The following TENM3 variants were observed in gnomAD, a reference collection of about 807,000 sequenced individuals.
TENM3 encodes teneurin transmembrane protein 3, also known as teneurin-3.
A neutral mutation model predicts 255.1 loss-of-function variants in TENM3; 63 were observed. The observed-to-expected ratio is 0.25, with a 90% CI of 0.20 to 0.30. The LOEUF (loss-of-function observed/expected upper bound fraction) is 0.30, where lower values mean the gene tolerates loss of function less well. Ranked by LOEUF, TENM3 falls within the 10% of genes least tolerant of loss-of-function variation. The probability of loss-of-function intolerance (pLI) is 1.00; values close to 1 mark genes in which losing one functional copy is unlikely to be tolerated. For synonymous variants in TENM3, 1,306 were observed against 1,322.3 expected, an observed-to-expected ratio of 0.99 and a Z score of 0.27; for missense variants, 2,929 against 3,461.1, an observed-to-expected ratio of 0.85 and a Z score of 3.86.
chr4:182,100,653 A>G, the TENM3 span, among the ~76,000 whole-genome samples: 47 of 55,260 alleles, frequency 8.5e-4, 3 homozygotes, highest in African/African-American at 3.5e-3. Flanking sequence ...ATATACACAT[A>G]TATACACATA....
the TENM3 span, among the ~76,000 whole-genome samples, chr4:181,549,863 A>G: frequency 0.027 from 4,171 of 152,302 alleles, 109 homozygotes; most frequent in African/African-American, 0.066. Context: ...CTCTATAAAT[A>G]TCTTTTCAGC....
chr4:182,688,435 C>T (rs1036735343), intron 12 of TENM3, 84 bp downstream of exon 12: 10 of 1,121,046 alleles, frequency 8.9e-6, no homozygotes, highest in Non-Finnish European at 1.2e-5. Context: ...TGGAAAAAGC[C>T]TATTTCTTTA....
At chr4:182,063,911 G>A in the TENM3 span, among the ~76,000 whole-genome samples, 1 of 152,174 alleles carries the variant, frequency 6.6e-6, no homozygotes, top group African/African-American at 2.4e-5. Context: ...AGAAGAAAGT[G>A]AAGGAAGGCA....
intron 3 of TENM3, among the ~76,000 whole-genome samples, chr4:182,492,512 G>A (rs2151594044): frequency 6.6e-6 from 1 of 152,250 alleles, no homozygotes; most frequent in African/African-American, 2.4e-5. Flanking sequence ...TGTCAGTCAG[G>A]AATCTTTAGC....
chr4:182,457,186 C>CAAA (rs34395020), intron 3 of TENM3, among the ~76,000 whole-genome samples: 1 of 97,018 alleles, frequency 1.0e-5, no homozygotes, highest in Non-Finnish European at 2.0e-5. Context: ...CTCTGTCTCT[C>CAAA]AAAAAAAAAA....
intron 1 of TENM3, among the ~76,000 whole-genome samples, chr4:182,305,406 A>G (rs1253375092): frequency 1.3e-5 from 2 of 152,174 alleles, no homozygotes; most frequent in Non-Finnish European, 2.9e-5. Flanking sequence ...CATGCCACCA[A>G]AATGTTTATT....
At chr4:182,290,810 C>T (rs1761073715) in intron 1 of TENM3, among the ~76,000 whole-genome samples, 1 of 146,426 alleles carries the variant, frequency 6.8e-6, no homozygotes, top group Non-Finnish European at 1.5e-5. Context: ...GCCAAAAAGC[C>T]TTTTAAATAG....
the TENM3 span, among the ~76,000 whole-genome samples, chr4:181,607,413 A>ATTTTTTTTTTT: frequency 2.0e-5 from 3 of 147,548 alleles, no homozygotes; most frequent in African/African-American, 2.5e-5. Flanking sequence ...TTGGCATTTA[A>ATTTTTTTTTTT]TTTTTTTTTT....
At chr4:182,369,894 A>G (rs1348984243) in intron 3 of TENM3, among the ~76,000 whole-genome samples, 1 of 149,848 alleles carries the variant, frequency 6.7e-6, no homozygotes, top group Admixed American at 6.7e-5. Flanking sequence ...AGAAAGAAGG[A>G]AAGAAAGAAA....
the TENM3 span, among the ~76,000 whole-genome samples, chr4:181,572,305 C>G: frequency 1.2e-3 from 183 of 152,064 alleles, no homozygotes; most frequent in African/African-American, 4.2e-3. Context: ...GGAGAAAATC[C>G]CAAAGGTAGG....
the TENM3 span, among the ~76,000 whole-genome samples, chr4:181,534,331 T>C: frequency 1.3e-5 from 2 of 152,160 alleles, no homozygotes; most frequent in Non-Finnish European, 2.9e-5. Flanking sequence ...GAGTTTGACT[T>C]GTCCAAAGTG....
chr4:181,849,298 A>T, the TENM3 span, among the ~76,000 whole-genome samples: 1 of 152,224 alleles, frequency 6.6e-6, no homozygotes, highest in African/African-American at 2.4e-5. Context: ...TCTGAGAAAG[A>T]TGTGAGAGTT....
At chr4:182,586,119 T>A (rs926909313) in intron 3 of TENM3, among the ~76,000 whole-genome samples, 3 of 152,072 alleles carry the variant, frequency 2.0e-5, no homozygotes, top group Admixed American at 1.3e-4. Context: ...TAGCTGAGGA[T>A]GGTGCTGCAT....
intron 1 of TENM3, among the ~76,000 whole-genome samples, chr4:182,273,244 C>A (rs1209537595): frequency 6.6e-6 from 1 of 152,198 alleles, no homozygotes; most frequent in Non-Finnish European, 1.5e-5. Flanking sequence ...TGCTGTCAAG[C>A]ACAGCTCTGA....
chr4:182,357,763 TTTGGTG>T (rs1426674121), intron 3 of TENM3, among the ~76,000 whole-genome samples: 1 of 149,442 alleles, frequency 6.7e-6, no homozygotes, highest in African/African-American at 2.4e-5. Flanking sequence ...TGCCATTGCT[TTTGGTG>T]TTTTAGACAT....
intron 4 of TENM3, among the ~76,000 whole-genome samples, chr4:182,622,723 T>A (rs974989096): frequency 1.3e-5 from 2 of 152,218 alleles, no homozygotes; most frequent in Non-Finnish European, 2.9e-5. Context: ...TTGGCCAAGG[T>A]ACTTAACTTT....
At chr4:181,934,675 G>T in the TENM3 span, among the ~76,000 whole-genome samples, 1 of 152,004 alleles carries the variant, frequency 6.6e-6, no homozygotes. Context: ...GTCATATTAG[G>T]TCAATTCTTT....
intron 12 of TENM3, among the ~76,000 whole-genome samples, chr4:182,713,218 A>G (rs1758889921): frequency 6.6e-6 from 1 of 152,216 alleles, no homozygotes. Context: ...GTCACAAAAT[A>G]TCACTCTTCG....
chr4:182,597,771 T>C (rs190085470), intron 3 of TENM3, among the ~76,000 whole-genome samples: 1 of 152,354 alleles, frequency 6.6e-6, no homozygotes, highest in East Asian at 1.9e-4. Flanking sequence ...TTGGTACGGA[T>C]AAATACATGC....
Sources: gnomAD v4.1 joint callset for allele counts (sites outside exome capture counted in the v4.1 genomes callset) on GRCh38, gnomAD v4.1.1 for gene constraint, MANE v1.5 for transcripts, NCBI Gene and HGNC (gene_info 2026-07-23, HGNC 2026-07-21) for gene names.